The following GALNT14 variants were observed in gnomAD, a reference collection of about 807,000 sequenced individuals.
The protein encoded by GALNT14 is polypeptide N-acetylgalactosaminyltransferase 14, also known as UDP-GalNAc:polypeptide N-acetylgalactosaminyltransferase 14.
In GALNT14, 60 loss-of-function variants were observed where a neutral mutation model predicts 77.5. The ratio of observed to expected loss-of-function variants is 0.77; its 90% CI spans 0.63 to 0.96. The LOEUF (loss-of-function observed/expected upper bound fraction) is 0.96, where lower values mean the gene tolerates loss of function less well. Among genes scored for constraint, GALNT14 ranks in the 40% least tolerant of loss-of-function variants. The probability of loss-of-function intolerance (pLI) is 0.00; values close to 1 mark genes in which losing one functional copy is unlikely to be tolerated. For synonymous variants in GALNT14, 280 were observed against 281.7 expected (o/e 0.99, Z 0.06); for missense variants, 710 against 731.0 (o/e 0.97, Z 0.33).
chr2:30,907,777 A>G (rs868668331), downstream of GALNT14, among the ~76,000 whole-genome samples: 59 of 149,118 alleles, frequency 4.0e-4, no homozygotes, highest in Middle Eastern at 3.4e-3. Context: ...TTTTAGACCA[A>G]TATCCTTGAT....
chr2:31,002,307 G>A (rs754589623), intron 1 of GALNT14, among the ~76,000 whole-genome samples: 6 of 152,016 alleles, frequency 3.9e-5, no homozygotes, highest in Non-Finnish European at 5.9e-5. Context: ...ATGTGCGCCC[G>A]TGGTCCCAGC....
chr2:31,041,369 C>G (rs1198876179), intron 1 of GALNT14, among the ~76,000 whole-genome samples: 2 of 152,070 alleles, frequency 1.3e-5, no homozygotes, highest in Non-Finnish European at 2.9e-5. Context: ...AGAGAAGGCT[C>G]TAAAGAAGAT....
chr2:30,976,553 C>A (rs954664045), intron 2 of GALNT14, among the ~76,000 whole-genome samples: 3 of 151,828 alleles, frequency 2.0e-5, no homozygotes, highest in African/African-American at 7.3e-5. Context: ...ACTGGCAGGA[C>A]CTGTGTTAGC....
At chr2:30,969,303 T>C (rs59148155) in intron 2 of GALNT14, among the ~76,000 whole-genome samples, 3,458 of 152,268 alleles carry the variant, frequency 0.023, 145 homozygotes, top group East Asian at 0.21. Context: ...TGCTCTGAAA[T>C]CCCTCATGGG....
rs1462515612 is a variant in GALNT14 at position 31,044,490 on chromosome 2, T to G, written c.130-51483A>C. Among the ~76,000 whole-genome samples the G allele has an allele frequency of 2.6e-5, 4 of 152,226 alleles. No homozygotes were observed. The East Asian group carries it at 7.7e-4, about 29-fold the overall frequency. On this transcript the variant is annotated intron_variant, in intron 1 of 14. Transcript: ENST00000349752. ...TAATTCAGAGCAAGATAAACAGATG[T>G]GAAGTCTCTCCACTCTAGGAACTTG...
intron 1 of GALNT14, among the ~76,000 whole-genome samples, chr2:31,028,357 A>G (rs544427851): frequency 2.6e-4 from 40 of 152,288 alleles, no homozygotes; most frequent in Non-Finnish European, 4.9e-4. Flanking sequence ...TCCTCCCACC[A>G]TGGCGGAAAG....
chr2:30,986,158 G>C (rs1271298165), intron 2 of GALNT14, among the ~76,000 whole-genome samples: 2 of 152,168 alleles, frequency 1.3e-5, no homozygotes, highest in African/African-American at 4.8e-5. Flanking sequence ...GCGCCCCACT[G>C]TCTGAGCCAT....
At chr2:31,035,583 G>A (rs1258548010) in intron 1 of GALNT14, among the ~76,000 whole-genome samples, 1 of 140,342 alleles carries the variant, frequency 7.1e-6, no homozygotes, top group Non-Finnish European at 1.6e-5. Flanking sequence ...GTGTGTGTGT[G>A]TGTATACATA....
At chr2:31,111,657 A>G (rs779436013) in intron 1 of GALNT14, among the ~76,000 whole-genome samples, 1 of 152,242 alleles carries the variant, frequency 6.6e-6, no homozygotes, top group African/African-American at 2.4e-5. Context: ...TCGCTATGAC[A>G]GTCTGACATG....
intron 6 of GALNT14, among the ~76,000 whole-genome samples, chr2:30,951,195 T>C (rs1350527623): frequency 6.6e-6 from 1 of 152,190 alleles, no homozygotes; most frequent in Non-Finnish European, 1.5e-5. Context: ...ATAAACAAAA[T>C]GTGGTATACA....
At chr2:31,004,795 T>C (rs1208258995) in intron 1 of GALNT14, among the ~76,000 whole-genome samples, 1 of 152,128 alleles carries the variant, frequency 6.6e-6, no homozygotes, top group East Asian at 1.9e-4. Context: ...CTCCCCTCCT[T>C]AGCTCACTGC....
intron 2 of GALNT14, among the ~76,000 whole-genome samples, chr2:30,973,075 T>C (rs1257891252): frequency 6.6e-6 from 1 of 152,182 alleles, no homozygotes; most frequent in Non-Finnish European, 1.5e-5. Context: ...AGAAAATGAA[T>C]GGGTCATTTT....
intron 1 of GALNT14, among the ~76,000 whole-genome samples, chr2:31,006,353 C>G (rs1670674719): frequency 6.6e-6 from 1 of 152,132 alleles, no homozygotes; most frequent in African/African-American, 2.4e-5. Flanking sequence ...ACTACTGCAA[C>G]TAATAGTGGT....
intron 1 of GALNT14, among the ~76,000 whole-genome samples, chr2:31,104,914 G>A (rs775832861): frequency 6.6e-6 from 1 of 152,106 alleles, no homozygotes; most frequent in Non-Finnish European, 1.5e-5. Flanking sequence ...ATGTTATTTG[G>A]TTACACTTTT....
chr2:31,043,802 C>T (rs538052134), intron 1 of GALNT14, among the ~76,000 whole-genome samples: 57 of 152,196 alleles, frequency 3.7e-4, no homozygotes, highest in African/African-American at 1.1e-3. Context: ...CCAGAGAGAA[C>T]GATCTATAAA....
Position 30,993,018 on chromosome 2 carries a change from C to G in GALNT14, c.130-11G>C, listed in dbSNP as rs771560318. 2.5e-6 allele frequency: 4 copies of G among 1,613,312 alleles called. No homozygotes were observed. Among genetic ancestry groups the G allele is most frequent in the Non-Finnish European group, 3.4e-6 (4 of 1,179,772 alleles). ...GTCAGCGTCCGAAGGCTGCGTGACACGAATGGGAAGTCTGTGAGAACGGCT... is the reference window on the plus strand; with the variant it reads ...GTCAGCGTCCGAAGGCTGCGTGACAGGAATGGGAAGTCTGTGAGAACGGCT... On this transcript the variant is annotated splice_polypyrimidine_tract_variant and intron_variant, in intron 1 of 14. Transcript: ENST00000349752.
At chr2:31,035,722 G>T (rs923166068) in intron 1 of GALNT14, among the ~76,000 whole-genome samples, 3 of 151,528 alleles carry the variant, frequency 2.0e-5, no homozygotes, top group African/African-American at 7.3e-5. Context: ...CATGGGTGGA[G>T]CCAGAGGCCA....
the GALNT14 span, among the ~76,000 whole-genome samples, chr2:30,903,097 A>G: frequency 6.6e-6 from 1 of 152,260 alleles, no homozygotes; most frequent in Admixed American, 6.5e-5. Context: ...CCACAAGAGC[A>G]TTGCAGAAAC....
rs143302765 is a variant in GALNT14 at position 30,924,089 on chromosome 2, T to C, written c.1380+30A>G. ...GGCTGCCTCCCTCTACTGTGACACATGGTCCTGTATGCCCAGCCAGTTACT... is the reference window on the plus strand; with the variant it reads ...GGCTGCCTCCCTCTACTGTGACACACGGTCCTGTATGCCCAGCCAGTTACT... On this transcript the variant is annotated intron_variant, in intron 13 of 14. Coordinates refer to ENST00000349752, the MANE Select transcript of GALNT14 (RefSeq NM_024572.4). 141 of 1,613,974 alleles carry C rather than the reference T, an allele frequency of 8.7e-5. No individual in the cohort carries two copies. In the African/African-American group the frequency reaches 1.7e-3, roughly 20 times the overall value.
Sources: gnomAD v4.1 joint callset for allele counts (sites outside exome capture counted in the v4.1 genomes callset) on GRCh38, gnomAD v4.1.1 for gene constraint, MANE v1.5 for transcripts, NCBI Gene and HGNC (gene_info 2026-07-23, HGNC 2026-07-21) for gene names.